Variants in PRKDC observed in about 807,000 individuals in gnomAD.
The protein encoded by PRKDC is DNA-dependent protein kinase catalytic subunit.
PRKDC carries 82 observed loss-of-function variants against 486.9 expected under a neutral mutation model. That is an observed-to-expected ratio of 0.17 (90% CI 0.14 to 0.20). The LOEUF is 0.20. Ranked by LOEUF, PRKDC falls within the 10% of genes least tolerant of loss-of-function variation. The pLI is 1.00. For synonymous variants in PRKDC, 1,895 were observed against 1,837.0 expected, an observed-to-expected ratio of 1.03 and a Z score of -0.81; for missense variants, 4,504 against 5,038.2, an observed-to-expected ratio of 0.89 and a Z score of 3.21.
At chr8:47,827,007 C>T in intron 62 of PRKDC, 146 bp from the exon 63 acceptor site, 1 of 728,564 alleles carries the variant, frequency 1.4e-6, no homozygotes, top group Non-Finnish European at 2.1e-6. Context: ...GCTATTAACA[C>T]ATTTTCCAAC....
intron 40 of PRKDC, among the ~76,000 whole-genome samples, chr8:47,876,427 C>T (rs748475643): frequency 3.3e-5 from 5 of 151,950 alleles, no homozygotes; most frequent in South Asian, 2.1e-4. Flanking sequence ...TTAGGGAGGC[C>T]GAGGCAAGCA....
chr8:47,818,309 G>A (rs1172001594), intron 67 of PRKDC, among the ~76,000 whole-genome samples: 2 of 151,986 alleles, frequency 1.3e-5, no homozygotes, highest in Non-Finnish European at 2.9e-5. Flanking sequence ...GGCCAGGCAC[G>A]GTGGCTCATG....
intron 51 of PRKDC, among the ~76,000 whole-genome samples, chr8:47,853,338 G>A (rs774734029): frequency 6.6e-6 from 1 of 152,234 alleles, no homozygotes; most frequent in Non-Finnish European, 1.5e-5. Context: ...CAGCCCTGAG[G>A]TCATGTGTCA....
chr8:47,831,961 C>T (rs373340330), intron 59 of PRKDC, 35 bp from the exon 60 acceptor site: 406 of 1,567,724 alleles, frequency 2.6e-4, no homozygotes, highest in Non-Finnish European at 3.3e-4. Context: ...TACTCCCCGC[C>T]GCCCAGACAC....
At position 47,794,274 on chromosome 8, in the gene PRKDC, C is replaced by A. The variant is rs769120758; in HGVS notation, c.10670+16G>T. 3 of 1,587,874 alleles carry A rather than the reference C, an allele frequency of 1.9e-6. No homozygotes were observed. The highest frequency in any genetic ancestry group is 2.6e-6 in the Non-Finnish European group (3 of 1,159,786). ...ATAGTATTTGATCAACCTATTCCTT[C>A]TGTAATATTACCTACCTTGCCACAA... On this transcript the variant is annotated intron_variant, in intron 74 of 85. Coordinates refer to ENST00000314191, the MANE Select transcript of PRKDC (RefSeq NM_006904.7).
At chr8:47,946,150 TG>T in intron 7 of PRKDC, among the ~76,000 whole-genome samples, 1 of 152,100 alleles carries the variant, frequency 6.6e-6, no homozygotes, top group African/African-American at 2.4e-5. Flanking sequence ...GCCAACACAG[TG>T]AAACCCCGTC....
chr8:47,840,041 G>A lies in PRKDC; in HGVS notation c.7429C>T (p.Leu2477Phe). ...CTGTAATTATCATGAATCCACATGA[G>A]AATATTATACATTTGTTCCCTACAT... ...TTCREQMYNI[L>F]MWIHDNYRDP... The change falls in exon 55 of 86, where the codon CTC (leucine) becomes TTC (phenylalanine). Residue 2477 changes from leucine (L) to phenylalanine (F), a missense_variant. Physicochemically the swap from Leu to Phe is conservative, Grantham distance 22. This residue lies in a region of PRKDC where 1,592 missense variants were observed against 1,724.6 expected (regional missense o/e 0.92). Transcript: ENST00000314191. The A allele has an allele frequency of 6.5e-7, 1 of 1,545,232 alleles. No homozygotes were observed. Among genetic ancestry groups the A allele is most frequent in the Non-Finnish European group, 8.7e-7 (1 of 1,143,480 alleles).
At chr8:47,899,574 C>T (rs973638155) in intron 28 of PRKDC, among the ~76,000 whole-genome samples, 21 of 152,112 alleles carry the variant, frequency 1.4e-4, no homozygotes, top group African/African-American at 4.3e-4. Flanking sequence ...ACCCAGGAGG[C>T]GGAGGTTGCA....
chr8:47,921,319 C>G (rs1359300107), intron 21 of PRKDC, among the ~76,000 whole-genome samples: 3 of 151,988 alleles, frequency 2.0e-5, no homozygotes, highest in Non-Finnish European at 4.4e-5. Flanking sequence ...GAATCATTAT[C>G]TGGGTAAACT....
intron 68 of PRKDC, among the ~76,000 whole-genome samples, chr8:47,811,350 C>T (rs1158220296): frequency 6.6e-6 from 1 of 152,124 alleles, no homozygotes; most frequent in Non-Finnish European, 1.5e-5. Context: ...AAGATATCTT[C>T]AGAGAAGGAA....
Position 47,902,767 on chromosome 8 carries a change from G to A in PRKDC, c.3071C>T (p.Thr1024Ile), listed in dbSNP as rs375650488. 7 of 1,613,032 alleles carry A rather than the reference G, an allele frequency of 4.3e-6. No individual in the cohort carries two copies. The highest frequency in any genetic ancestry group is 5.9e-6 in the Non-Finnish European group (7 of 1,179,564). ...ACACCGACCACAAAAATCTCTTAAA[G>A]TACTGTCAACAGGGTCCACAATTCC... ...LDGIVDPVDS[T>I]LRDFCGRCIR... The change falls in exon 27 of 86, where the codon ACT becomes ATT. Residue 1024 changes from threonine to isoleucine, a missense_variant. Physicochemically the swap from Thr to Ile is moderately conservative, Grantham distance 89 (BLOSUM62 -1). This residue lies in a region of PRKDC where 1,969 missense variants were observed against 2,068.9 expected (regional missense o/e 0.95). Coordinates refer to ENST00000314191, the MANE Select transcript of PRKDC (RefSeq NM_006904.7).
chr8:47,944,491 AAAAAAAAAACAG>A (rs1215710378), intron 7 of PRKDC, among the ~76,000 whole-genome samples: 1 of 151,888 alleles, frequency 6.6e-6, no homozygotes, highest in Non-Finnish European at 1.5e-5. Context: ...AATTAAAAAA[AAAAAAAAAACAG>A]AAAAAAAAAC....
chr8:47,794,722 G>A (rs949961703), intron 73 of PRKDC, among the ~76,000 whole-genome samples: 12 of 152,176 alleles, frequency 7.9e-5, no homozygotes, highest in African/African-American at 2.9e-4. Flanking sequence ...GGAATCACAC[G>A]AGACAGCTGC....
chr8:47,794,083 G>GT lies in PRKDC; in HGVS notation c.10670+206dup, dbSNP rs569535350. Among the ~76,000 whole-genome samples, 73 of 152,284 alleles carry GT rather than the reference G, an allele frequency of 4.8e-4. 1 individual carries two copies. Among genetic ancestry groups the GT allele is most frequent in the Admixed American group, 3.9e-3 (60 of 15,276 alleles). On this transcript the variant is annotated intron_variant, in intron 74 of 85. Transcript: ENST00000314191. Reference sequence around the variant, plus strand: ...ATGAGCAGAATGTTTTGTTAGCAGTGTAAGATGAAAGTATTTAAAGGAGAT... The same window carrying GT: ...ATGAGCAGAATGTTTTGTTAGCAGTGTTAAGATGAAAGTATTTAAAGGAGAT...
intron 71 of PRKDC, 60 bp from the exon 72 acceptor site, chr8:47,799,450 C>T: frequency 7.1e-7 from 1 of 1,411,746 alleles, no homozygotes; most frequent in East Asian, 2.4e-5. Context: ...AAGAACTCTG[C>T]TTTCCATTTG....
chr8:47,819,106 G>A (rs2087523242), intron 67 of PRKDC, among the ~76,000 whole-genome samples: 2 of 152,176 alleles, frequency 1.3e-5, no homozygotes, highest in Admixed American at 6.5e-5. Context: ...AGGCCAGGGT[G>A]GGCCCCACCA....
At chr8:47,884,231 C>T (rs1305837943) in intron 36 of PRKDC, among the ~76,000 whole-genome samples, 1 of 152,218 alleles carries the variant, frequency 6.6e-6, no homozygotes, top group African/African-American at 2.4e-5. Context: ...GATCAGACCC[C>T]CAGCAGCAGA....
At chr8:47,889,529 CGCCCCTGACT>C (rs1303555804) in intron 32 of PRKDC, among the ~76,000 whole-genome samples, 1 of 152,238 alleles carries the variant, frequency 6.6e-6, no homozygotes, top group Admixed American at 6.5e-5. Context: ...AGGGTTTCCC[CGCCCCTGACT>C]CAGGACACTG....
chr8:47,854,799 T>A (rs2088495219), intron 50 of PRKDC, among the ~76,000 whole-genome samples: 1 of 152,224 alleles, frequency 6.6e-6, no homozygotes, highest in Non-Finnish European at 1.5e-5. Context: ...ACATCCAGGT[T>A]CCTCCAGCTT....
Sources: allele counts gnomAD v4.1 joint callset (sites outside exome capture counted in the v4.1 genomes callset), GRCh38; gene constraint gnomAD v4.1.1; regional missense constraint gnomAD v4.1.1; transcripts MANE v1.5; gene names NCBI Gene and HGNC (gene_info 2026-07-23, HGNC 2026-07-21).